The following LRP1B variants were observed in gnomAD, a reference collection of about 807,000 sequenced individuals.
LRP1B encodes low-density lipoprotein receptor-related protein 1B.
In LRP1B, 217 loss-of-function variants were observed where a neutral mutation model predicts 556.6. The observed-to-expected ratio is 0.39, with a 90% CI of 0.35 to 0.44. The LOEUF (loss-of-function observed/expected upper bound fraction) is 0.44, where lower values mean the gene tolerates loss of function less well. Among genes scored for constraint, LRP1B ranks in the 20% least tolerant of loss-of-function variants. The pLI is 1.00. For missense variants in LRP1B, 5,053 were observed against 5,620.8 expected (o/e 0.90, Z 3.23); for synonymous variants, 2,047 against 1,865.8 (o/e 1.10, Z -2.50).
At chr2:141,848,791 A>G (rs1333728331) in intron 1 of LRP1B, among the ~76,000 whole-genome samples, 1 of 151,596 alleles carries the variant, frequency 6.6e-6, no homozygotes, top group African/African-American at 2.4e-5. Flanking sequence ...GATTTAAAAA[A>G]CAAGAGGAAA....
At chr2:141,591,555 A>G (rs1213765874) in intron 2 of LRP1B, among the ~76,000 whole-genome samples, 1 of 150,886 alleles carries the variant, frequency 6.6e-6, no homozygotes, top group East Asian at 2.0e-4. Flanking sequence ...AGAAAATTGT[A>G]AGATCACTGA....
intron 11 of LRP1B, among the ~76,000 whole-genome samples, chr2:141,043,991 G>A (rs571294457): frequency 6.6e-6 from 1 of 152,026 alleles, no homozygotes; most frequent in Admixed American, 6.6e-5. Context: ...AACAAAGGTG[G>A]AGGCATCACA....
In LRP1B at chr2:141,005,438, T is replaced by G; in HGVS notation, c.2400A>C (p.Val800=). The G allele has an allele frequency of 6.2e-7, 1 of 1,610,852 alleles. No homozygotes were observed. Among genetic ancestry groups the G allele is most frequent in the Non-Finnish European group, 8.5e-7 (1 of 1,177,830 alleles). The change falls in exon 15 of 91, where the codon GTA becomes GTC. Residue 800 remains valine, a synonymous_variant. Transcript: ENST00000389484. ...AAAGTGTACTACAGCCCCCATTATT[T>G]ACTCGGCACATATTGTCACCTGCAA... ...RKQQGDNMCR[V]NNGGCSTLCL...
intron 32 of LRP1B, among the ~76,000 whole-genome samples, chr2:140,785,875 T>A (rs1049667902): frequency 3.9e-5 from 6 of 152,132 alleles, no homozygotes; most frequent in Non-Finnish European, 7.4e-5. Flanking sequence ...GTCACTGTTT[T>A]TTCCCTCTCC....
At chr2:140,950,707 G>C (rs1695688111) in intron 19 of LRP1B, among the ~76,000 whole-genome samples, 1 of 152,082 alleles carries the variant, frequency 6.6e-6, no homozygotes, top group South Asian at 2.1e-4. Context: ...GGCCAGGCTG[G>C]TATCAAACTC....
At position 141,388,157 on chromosome 2, in the gene LRP1B, C is replaced by T. The variant is rs369666826; in HGVS notation, c.343+92239G>A. 9.9e-5 allele frequency among the ~76,000 whole-genome samples: 15 copies of T among 152,218 alleles called. 1 individual carries two copies. In the East Asian group the frequency reaches 2.3e-3, roughly 24 times the overall value. On this transcript the variant is annotated intron_variant, in intron 3 of 90. Transcript: ENST00000389484. Reference sequence around the variant, plus strand: ...TTTCATTAAAATAATACTCAATGGCCGGGCGCAGTGGCTCACACCTGTAAT... The same window carrying T: ...TTTCATTAAAATAATACTCAATGGCTGGGCGCAGTGGCTCACACCTGTAAT...
At chr2:141,295,489 A>G (rs1686146481) in intron 3 of LRP1B, among the ~76,000 whole-genome samples, 1 of 152,114 alleles carries the variant, frequency 6.6e-6, no homozygotes, top group African/African-American at 2.4e-5. Flanking sequence ...AATGGTCTGA[A>G]CTAATTTTAT....
rs146363449 is a variant in LRP1B at position 141,258,703 on chromosome 2, T to A, written c.344-4062A>T. On this transcript the variant is annotated intron_variant, in intron 3 of 90. Coordinates refer to ENST00000389484, the MANE Select transcript of LRP1B (RefSeq NM_018557.3). ...GATTGGACTTGGGGGCAGGTTTTTC[T>A]CTTGCTGTTCTCATGATAATAAGTG... 2.0e-3 allele frequency among the ~76,000 whole-genome samples: 307 copies of A among 152,276 alleles called. 3 individuals are homozygous for A. Among genetic ancestry groups the A allele is most frequent in the African/African-American group, 6.7e-3 (277 of 41,560 alleles).
At chr2:141,641,757 T>C (rs1689345943) in intron 2 of LRP1B, among the ~76,000 whole-genome samples, 1 of 152,146 alleles carries the variant, frequency 6.6e-6, no homozygotes, top group Non-Finnish European at 1.5e-5. Context: ...AAGCAGACTA[T>C]TGTCTTGAGT....
intron 3 of LRP1B, among the ~76,000 whole-genome samples, chr2:141,369,680 T>C (rs2105587608): frequency 6.6e-6 from 1 of 152,314 alleles, no homozygotes; most frequent in East Asian, 1.9e-4. Flanking sequence ...TTTGTATATA[T>C]TCATGGGGTA....
At chr2:141,253,181 A>G (rs1050305840) in intron 4 of LRP1B, among the ~76,000 whole-genome samples, 1 of 152,160 alleles carries the variant, frequency 6.6e-6, no homozygotes, top group Non-Finnish European at 1.5e-5. Flanking sequence ...CGAATGTTCA[A>G]TGGCATCATC....
chr2:141,328,444 T>C (rs748124537), intron 3 of LRP1B, among the ~76,000 whole-genome samples: 10 of 152,192 alleles, frequency 6.6e-5, no homozygotes, highest in Non-Finnish European at 1.3e-4. Flanking sequence ...TCTCCTCCTC[T>C]CTCCTCATGC....
At chr2:141,639,112 C>T (rs1373186024) in intron 2 of LRP1B, among the ~76,000 whole-genome samples, 6 of 130,638 alleles carry the variant, frequency 4.6e-5, no homozygotes, top group African/African-American at 1.7e-4. Context: ...CAGTGAGGGG[C>T]AAGCCATTGT....
intron 32 of LRP1B, among the ~76,000 whole-genome samples, chr2:140,809,841 C>T (rs946229538): frequency 6.6e-6 from 1 of 152,106 alleles, no homozygotes; most frequent in Non-Finnish European, 1.5e-5. Context: ...CACTGGGCTG[C>T]TTGAGTGTCC....
At chr2:141,357,426 C>G (rs1688667938) in intron 3 of LRP1B, among the ~76,000 whole-genome samples, 11 of 152,154 alleles carry the variant, frequency 7.2e-5, no homozygotes, top group Admixed American at 7.2e-4. Context: ...ATTCCTGAAA[C>G]TGTAACCACT....
intron 35 of LRP1B, among the ~76,000 whole-genome samples, chr2:140,737,750 G>A (rs1242155608): frequency 6.6e-6 from 1 of 152,172 alleles, no homozygotes; most frequent in Non-Finnish European, 1.5e-5. Flanking sequence ...CAGGGTGCAG[G>A]AGTAGTGGTT....
At chr2:140,501,121 C>G (rs1228972584) in intron 55 of LRP1B, among the ~76,000 whole-genome samples, 1 of 151,848 alleles carries the variant, frequency 6.6e-6, no homozygotes, top group African/African-American at 2.4e-5. Context: ...ATTCTGTCAG[C>G]GAATCACCCT....
chr2:140,803,322 T>A, intron 32 of LRP1B, among the ~76,000 whole-genome samples: 1 of 138,346 alleles, frequency 7.2e-6, no homozygotes, highest in African/African-American at 2.7e-5. Context: ...TCTCCCAGGC[T>A]GGAGTGCAGT....
intron 11 of LRP1B, among the ~76,000 whole-genome samples, chr2:141,048,527 G>A (rs1304227825): frequency 6.6e-6 from 1 of 152,088 alleles, no homozygotes; most frequent in East Asian, 1.9e-4. Context: ...CTTCATTTCA[G>A]TGATGTGTAA....
Sources: allele counts gnomAD v4.1 joint callset (sites outside exome capture counted in the v4.1 genomes callset), GRCh38; gene constraint gnomAD v4.1.1; transcripts MANE v1.5; gene names NCBI Gene and HGNC (gene_info 2026-07-23, HGNC 2026-07-21).